Variants in NKTR observed in about 807,000 individuals in gnomAD.
The protein encoded by NKTR is natural killer cell triggering receptor.
NKTR carries 67 observed loss-of-function variants against 156.3 expected under a neutral mutation model. That is an observed-to-expected ratio of 0.43 (90% confidence interval 0.35 to 0.53). NKTR has a LOEUF of 0.53. NKTR is among the 20% of genes least tolerant of loss of function. The probability of loss-of-function intolerance (pLI) is 0.01; values close to 1 mark genes in which losing one functional copy is unlikely to be tolerated. For missense variants in NKTR, 1,604 were observed against 1,730.9 expected (o/e 0.93, Z 1.30); for synonymous variants, 640 against 596.6 (o/e 1.07, Z -1.06).
intron 8 of NKTR, among the ~76,000 whole-genome samples, chr3:42,631,874 T>A (rs964692342): frequency 1.3e-5 from 2 of 152,108 alleles, no homozygotes; most frequent in African/African-American, 4.8e-5. Context: ...TGCCAACCAC[T>A]CAGGGATTTT....
intron 5 of NKTR, chr3:42,620,137 G>A: frequency 2.8e-6 from 4 of 1,443,754 alleles, no homozygotes; most frequent in South Asian, 1.5e-5. Flanking sequence ...GGTTGTGGCT[G>A]GATTTCTATA....
intron 2 of NKTR, among the ~76,000 whole-genome samples, chr3:42,607,770 G>A (rs1001336137): frequency 1.3e-5 from 2 of 152,026 alleles, no homozygotes; most frequent in Non-Finnish European, 2.9e-5. Flanking sequence ...GGGTAGTTGG[G>A]TAAATTTGAA....
chr3:42,624,243 C>G (rs1324543062), intron 6 of NKTR, among the ~76,000 whole-genome samples: 1 of 151,132 alleles, frequency 6.6e-6, no homozygotes, highest in Non-Finnish European at 1.5e-5. Context: ...TGATTTTGCT[C>G]TCGGGGGTCT....
At chr3:42,609,128 C>CAAA (rs34365155) in intron 2 of NKTR, among the ~76,000 whole-genome samples, 29 of 131,992 alleles carry the variant, frequency 2.2e-4, no homozygotes, top group African/African-American at 7.9e-4. Context: ...ACTCATATAT[C>CAAA]AAAAAAAAAA....
In NKTR at chr3:42,637,104, C is replaced by T; in HGVS notation, c.1400C>T (p.Ser467Phe). The T allele has an allele frequency of 6.2e-7, 1 of 1,607,014 alleles. No individual in the cohort carries two copies. Among genetic ancestry groups the T allele is most frequent in the South Asian group, 1.1e-5 (1 of 89,668 alleles). ...ATTCTTATACCGTCTGACATAGAAT[C>T]CTCAAAATCTTCCACTCGAAGAATG... Reference protein sequence around the residue: ...RRILIPSDIESSKSSTRRMKS... With the variant: ...RRILIPSDIEFSKSSTRRMKS... Residue 467 changes from serine to phenylalanine, a missense_variant, in exon 13 of 17, where the codon TCC becomes TTC. Transcript: ENST00000232978.
At chr3:42,642,694 T>C in intron 14 of NKTR, 98 bp downstream of exon 14, 2 of 823,738 alleles carry the variant, frequency 2.4e-6, no homozygotes, top group Non-Finnish European at 4.2e-6. Context: ...AATCATGTCA[T>C]TACTGAATAT....
intron 14 of NKTR, among the ~76,000 whole-genome samples, 168 bp downstream of exon 14, chr3:42,642,764 A>C (rs761218486): frequency 6.6e-6 from 1 of 152,228 alleles, no homozygotes; most frequent in African/African-American, 2.4e-5. Context: ...ATTCTTGACT[A>C]TTCCTCTGTT....
At chr3:42,618,540 AT>A (rs1392877301) in intron 3 of NKTR, among the ~76,000 whole-genome samples, 1 of 151,702 alleles carries the variant, frequency 6.6e-6, no homozygotes, top group Non-Finnish European at 1.5e-5. Context: ...CACCTCCCAG[AT>A]TCAAGTGATT....
chr3:42,642,740 G>GT (rs1710000784), intron 14 of NKTR, 144 bp downstream of exon 14: 1 of 646,736 alleles, frequency 1.5e-6, no homozygotes, highest in Admixed American at 2.5e-5. Context: ...TTTTTTCTAT[G>GT]TAAGAGCTGT....
rs185098050 is a variant in NKTR, at chr3:42,630,761, G to T, written c.404+186G>T. ...CCCCATGGCTCTCATGTGACTGAAGGAGTCAATCTGTGCTCATGGATGGGC... is the reference window on the plus strand; with the variant it reads ...CCCCATGGCTCTCATGTGACTGAAGTAGTCAATCTGTGCTCATGGATGGGC... On this transcript the variant is annotated intron_variant, in intron 7 of 16. Transcript: ENST00000232978. 3.4e-5 allele frequency: 48 copies of T among 1,397,042 alleles called. No individual in the cohort carries two copies. The Admixed American group carries it at 1.2e-3, about 35-fold the overall frequency. 86.5% of individuals were successfully genotyped at this position (1,397,042 alleles called of 1,614,324 possible).
intron 2 of NKTR, among the ~76,000 whole-genome samples, chr3:42,604,695 TTTTG>T: frequency 9.9e-6 from 1 of 101,282 alleles, no homozygotes; most frequent in African/African-American, 4.0e-5. Flanking sequence ...TTTTTTTTTT[TTTTG>T]AGACTGAGTC....
intron 9 of NKTR, chr3:42,633,136 C>G: frequency 1.9e-6 from 1 of 532,414 alleles, no homozygotes; most frequent in Non-Finnish European, 2.5e-6. Context: ...ACCTCCTGGG[C>G]TCAAGAGATC....
intron 6 of NKTR, among the ~76,000 whole-genome samples, chr3:42,626,421 C>A (rs931199379): frequency 2.6e-5 from 4 of 151,870 alleles, no homozygotes; most frequent in African/African-American, 9.7e-5. Flanking sequence ...AAAAAAAAAT[C>A]TTGATAATGG....
At chr3:42,643,293 C>T in intron 14 of NKTR, 46 bp from the exon 15 acceptor site, 3 of 1,532,164 alleles carry the variant, frequency 2.0e-6, no homozygotes, top group Non-Finnish European at 2.7e-6. Flanking sequence ...ATAGCCTGTC[C>T]TGCCCTGATC....
intron 5 of NKTR, 188 bp from the exon 6 acceptor site, chr3:42,621,241 A>G (rs537240141): frequency 1.6e-6 from 2 of 1,266,612 alleles, no homozygotes; most frequent in Admixed American, 4.1e-5. Flanking sequence ...GGCTTTAATT[A>G]GTATCTTTTG....
At position 42,638,732 on chromosome 3, in the gene NKTR, C is replaced by T. The variant is rs942491759; in HGVS notation, c.3028C>T (p.Arg1010Ter). Residue 1010 changes from arginine (R) to a stop codon, truncating the protein, a stop_gained, in exon 13 of 17, where the codon CGA becomes TGA. Transcript: ENST00000232978. LOFTEE classifies it high-confidence loss of function. ...AGACAAAAAGCATAAGGCTCCAAAA[C>T]GAAAGCAAGCATTTCACTGGCAGCC... ...KKDKKHKAPK[R>*]KQAFHWQPPL... 5.0e-6 allele frequency: 8 copies of T among 1,613,910 alleles called. No homozygotes were observed. Among genetic ancestry groups the T allele is most frequent in the Admixed American group, 1.7e-5 (1 of 59,992 alleles).
intron 2 of NKTR, chr3:42,612,203 TAAAG>T (rs747859328): frequency 2.0e-5 from 3 of 152,168 alleles, no homozygotes; most frequent in Admixed American, 6.5e-5. Flanking sequence ...TACCATTTTT[TAAAG>T]GAAGAAAAAT....
intron 6 of NKTR, chr3:42,630,268 TTATG>T: frequency 1.7e-6 from 2 of 1,191,652 alleles, no homozygotes; most frequent in Non-Finnish European, 2.1e-6. Flanking sequence ...TGCTGTGTAT[TTATG>T]GCTACAAGTC....
At chr3:42,626,167 A>ATTTT (rs58733435) in intron 6 of NKTR, among the ~76,000 whole-genome samples, 12 of 144,272 alleles carry the variant, frequency 8.3e-5, no homozygotes, top group African/African-American at 3.0e-4. Flanking sequence ...ACAGTCACTT[A>ATTTT]TTTTTTTTTT....
Sources: allele counts gnomAD v4.1 joint callset (sites outside exome capture counted in the v4.1 genomes callset), GRCh38; gene constraint gnomAD v4.1.1; transcripts MANE v1.5; gene names NCBI Gene and HGNC (gene_info 2026-07-23, HGNC 2026-07-21).